The following STIM2 variants were observed in gnomAD, a reference collection of about 807,000 sequenced individuals.
STIM2 encodes stromal interaction molecule 2.
In STIM2, 31 loss-of-function variants were observed where a neutral mutation model predicts 85.8. The observed-to-expected ratio is 0.36, with a 90% CI of 0.27 to 0.49. STIM2 has a LOEUF of 0.49. STIM2 is among the 20% of genes least tolerant of loss of function. The pLI, the probability that STIM2 is intolerant of heterozygous loss-of-function variation, is 0.98. For missense variants in STIM2, 841 were observed against 927.6 expected (o/e 0.91, Z 1.21); for synonymous variants, 356 against 331.1 (o/e 1.08, Z -0.82).
intron 3 of STIM2, among the ~76,000 whole-genome samples, chr4:26,992,827 C>G (rs557370298): frequency 6.6e-6 from 1 of 152,166 alleles, no homozygotes; most frequent in South Asian, 2.1e-4. Context: ...GAAACCACAG[C>G]AAAAGGAGAA....
Position 26,882,923 on chromosome 4 carries a change from C to T in STIM2, c.151+21554C>T, listed in dbSNP as rs555613053. Among the ~76,000 whole-genome samples, 13 of 151,810 alleles carry T rather than the reference C, an allele frequency of 8.6e-5. No individual in the cohort carries two copies. In the South Asian group the frequency reaches 1.5e-3, roughly 17 times the overall value. Reference sequence around the variant, plus strand: ...CGCGATCTCAGCTCACTGCAACCTCCGCTGCCTGGGTTCAAGTGATTCTCA... The same window carrying T: ...CGCGATCTCAGCTCACTGCAACCTCTGCTGCCTGGGTTCAAGTGATTCTCA... On this transcript the variant is annotated intron_variant, in intron 1 of 11. Coordinates refer to ENST00000467087, the MANE Select transcript of STIM2 (RefSeq NM_020860.4).
chr4:27,018,128 C>A, intron 11 of STIM2, 144 bp downstream of exon 11: 1 of 1,218,226 alleles, frequency 8.2e-7, no homozygotes, highest in Non-Finnish European at 1.2e-6. Context: ...CAGACATCAC[C>A]CATTTTTTAG....
intron 1 of STIM2, among the ~76,000 whole-genome samples, chr4:26,867,246 T>C (rs1484721382): frequency 1.3e-5 from 2 of 152,202 alleles, no homozygotes; most frequent in Non-Finnish European, 2.9e-5. Flanking sequence ...ATGATTTAAA[T>C]TAGTATAAGC....
chr4:26,861,495 C>G (rs1010146867), intron 1 of STIM2, 126 bp downstream of exon 1: 2 of 1,216,688 alleles, frequency 1.6e-6, no homozygotes, highest in East Asian at 6.7e-5. Flanking sequence ...CGATGCGGAG[C>G]CCTGCCTGCT....
intron 3 of STIM2, among the ~76,000 whole-genome samples, chr4:26,990,429 A>G (rs1727726981): frequency 6.6e-6 from 1 of 152,168 alleles, no homozygotes; most frequent in Non-Finnish European, 1.5e-5. Context: ...CTAGATCTCT[A>G]CCATATGCAA....
intron 2 of STIM2, among the ~76,000 whole-genome samples, chr4:26,936,203 ACCTGGTCCC>A (rs1166911834): frequency 6.6e-6 from 1 of 152,190 alleles, no homozygotes; most frequent in Non-Finnish European, 1.5e-5. Context: ...TGAAACTTCT[ACCTGGTCCC>A]AGCATTTATT....
intron 4 of STIM2, among the ~76,000 whole-genome samples, chr4:26,996,873 TA>T: frequency 6.6e-6 from 1 of 152,118 alleles, no homozygotes; most frequent in Non-Finnish European, 1.5e-5. Context: ...TGAAATAAAA[TA>T]GGCTAATCTG....
At chr4:27,016,331 T>G (rs1248861121) in intron 10 of STIM2, among the ~76,000 whole-genome samples, 2 of 152,222 alleles carry the variant, frequency 1.3e-5, no homozygotes, top group Non-Finnish European at 2.9e-5. Flanking sequence ...CGGATTGCTT[T>G]CTCTCTCCTG....
At position 26,935,275 on chromosome 4, in the gene STIM2, C is replaced by T. The variant is rs552443583; in HGVS notation, c.282+15641C>T. ...TTTGGTCTTCAGCAACTCACCAAAG[C>T]GTGCTGAGCATTACATACTTGTTTG... On this transcript the variant is annotated intron_variant, in intron 2 of 11. Transcript: ENST00000467087. Among the ~76,000 whole-genome samples, 21 of 152,222 alleles carry T rather than the reference C, an allele frequency of 1.4e-4. No individual in the cohort carries two copies. In the South Asian group the frequency reaches 2.7e-3, roughly 20 times the overall value.
At chr4:26,936,057 T>TG (rs1021009142) in intron 2 of STIM2, among the ~76,000 whole-genome samples, 1 of 152,176 alleles carries the variant, frequency 6.6e-6, no homozygotes, top group African/African-American at 2.4e-5. Flanking sequence ...CTTTTTTATG[T>TG]GGGGGAGGAT....
At chr4:26,952,464 T>C (rs1241141957) in intron 2 of STIM2, among the ~76,000 whole-genome samples, 1 of 152,154 alleles carries the variant, frequency 6.6e-6, no homozygotes, top group East Asian at 1.9e-4. Context: ...ATAAAATAGT[T>C]GACATTGAGT....
At chr4:26,973,684 C>T (rs940655182) in intron 3 of STIM2, among the ~76,000 whole-genome samples, 13 of 152,064 alleles carry the variant, frequency 8.5e-5, no homozygotes, top group East Asian at 5.8e-4. Flanking sequence ...AGAATAAGTG[C>T]GATGTGGTGC....
chr4:26,900,790 T>A (rs1222904143), intron 1 of STIM2, among the ~76,000 whole-genome samples: 1 of 152,210 alleles, frequency 6.6e-6, no homozygotes, highest in Admixed American at 6.5e-5. Context: ...TATCATTATC[T>A]CAGTATTGAA....
intron 11 of STIM2, among the ~76,000 whole-genome samples, chr4:27,019,126 A>G (rs928052973): frequency 1.3e-5 from 2 of 152,196 alleles, no homozygotes; most frequent in Admixed American, 6.5e-5. Flanking sequence ...CTGAGTAGCT[A>G]TGTGTCCCCA....
chr4:26,901,792 C>CTA lies in STIM2; in HGVS notation c.152-17711_152-17710insAT. Among the ~76,000 whole-genome samples, 3 of 152,258 alleles carry CTA rather than the reference C, an allele frequency of 2.0e-5. 1 individual carries two copies. The South Asian group carries it at 6.2e-4, about 32-fold the overall frequency. ...GTGGAATTGCGATTTGAGCTTAGGT[C>CTA]TGACTCCAGACTTGGTGGTCTTTGT... On this transcript the variant is annotated intron_variant, in intron 1 of 11. Transcript: ENST00000467087.
intron 8 of STIM2, 178 bp downstream of exon 8, chr4:27,007,878 C>T: frequency 2.7e-6 from 2 of 730,344 alleles, no homozygotes; most frequent in South Asian, 3.6e-5. Context: ...ATTAAAATTA[C>T]TGCATTTGGA....
At chr4:26,922,502 G>A (rs558927445) in intron 2 of STIM2, among the ~76,000 whole-genome samples, 2 of 152,182 alleles carry the variant, frequency 1.3e-5, no homozygotes, top group African/African-American at 2.4e-5. Flanking sequence ...CACTTTACTG[G>A]TTTATTTTAA....
intron 2 of STIM2, among the ~76,000 whole-genome samples, chr4:26,930,834 A>G (rs1291794262): frequency 6.6e-6 from 1 of 152,176 alleles, no homozygotes; most frequent in East Asian, 1.9e-4. Context: ...CTTATGTGTT[A>G]GTTTATTGCT....
chr4:27,019,666 T>A (rs902852282), intron 11 of STIM2: 19 of 380,008 alleles, frequency 5.0e-5, no homozygotes, highest in Admixed American at 7.9e-5. Flanking sequence ...AAAATAATAA[T>A]GTTGAATATT....
Sources: gnomAD v4.1 joint callset for allele counts (sites outside exome capture counted in the v4.1 genomes callset) on GRCh38, gnomAD v4.1.1 for gene constraint, MANE v1.5 for transcripts, NCBI Gene and HGNC (gene_info 2026-07-23, HGNC 2026-07-21) for gene names.